The following HHIP variants were observed in gnomAD, a reference collection of about 807,000 sequenced individuals.
The protein encoded by HHIP is hedgehog interacting protein.
Under a neutral mutation model 74.0 loss-of-function variants are expected in HHIP, and 12 were observed. That is an observed-to-expected ratio of 0.16 (90% CI 0.10 to 0.26). The LOEUF is 0.26. Ranked by LOEUF, HHIP falls within the 10% of genes least tolerant of loss-of-function variation. The pLI is 1.00. For missense variants in HHIP, 788 were observed against 845.0 expected (o/e 0.93, Z 0.84); for synonymous variants, 309 against 311.6 (o/e 0.99, Z 0.09).
At chr4:144,714,808 T>A (rs1042839237) in intron 9 of HHIP, among the ~76,000 whole-genome samples, 5 of 152,128 alleles carry the variant, frequency 3.3e-5, no homozygotes, top group African/African-American at 1.2e-4. Flanking sequence ...AAAATTAAAT[T>A]TTAGTCTCAA....
intron 10 of HHIP, among the ~76,000 whole-genome samples, chr4:144,716,581 C>T (rs1730449002): frequency 6.6e-6 from 1 of 152,126 alleles, no homozygotes; most frequent in Non-Finnish European, 1.5e-5. Context: ...GGCATGGTGG[C>T]TCACGCCTGT....
intron 10 of HHIP, among the ~76,000 whole-genome samples, chr4:144,716,706 G>A (rs957724354): frequency 2.0e-4 from 31 of 151,726 alleles, no homozygotes; most frequent in African/African-American, 7.2e-4. Flanking sequence ...AAAATTAGCC[G>A]GGTATACTGG....
intron 1 of HHIP, chr4:144,648,560 G>C (rs1245687223): frequency 6.6e-6 from 1 of 152,136 alleles, no homozygotes; most frequent in Non-Finnish European, 1.5e-5. Context: ...TTTCAAAATA[G>C]CTATATTCAG....
intron 12 of HHIP, 69 bp downstream of exon 12, chr4:144,734,958 CATTG>C (rs1381812257): frequency 5.0e-6 from 7 of 1,409,338 alleles, no homozygotes; most frequent in Admixed American, 1.9e-5. Flanking sequence ...AAGAACTCAA[CATTG>C]ATTGTTTCTT....
intron 4 of HHIP, among the ~76,000 whole-genome samples, chr4:144,693,490 T>C (rs1053068971): frequency 6.6e-6 from 1 of 152,094 alleles, no homozygotes; most frequent in Non-Finnish European, 1.5e-5. Context: ...GAAACTCCCA[T>C]GGAAAACGTG....
intron 4 of HHIP, among the ~76,000 whole-genome samples, chr4:144,703,516 A>C (rs555896605): frequency 6.6e-6 from 1 of 152,312 alleles, no homozygotes; most frequent in East Asian, 1.9e-4. Flanking sequence ...AGCAGTTAGT[A>C]ACATTGGCAC....
At chr4:144,652,124 C>T (rs1390290979) in intron 1 of HHIP, among the ~76,000 whole-genome samples, 1 of 151,938 alleles carries the variant, frequency 6.6e-6, no homozygotes, top group Admixed American at 6.6e-5. Flanking sequence ...AAAAATGTAA[C>T]CCAAGTATAT....
chr4:144,680,157 A>C (rs1373935056), intron 4 of HHIP, among the ~76,000 whole-genome samples: 1 of 152,176 alleles, frequency 6.6e-6, no homozygotes, highest in African/African-American at 2.4e-5. Context: ...AGTTTTAGGT[A>C]GGAGTAGTTT....
At chr4:144,706,770 A>G in intron 5 of HHIP, 88 bp downstream of exon 5, 3 of 1,163,246 alleles carry the variant, frequency 2.6e-6, no homozygotes, top group Non-Finnish European at 2.4e-6. Context: ...GAAGTTGCAA[A>G]TAAGTAACCA....
At chr4:144,713,119 C>A (rs376064287) in intron 8 of HHIP, among the ~76,000 whole-genome samples, 3 of 152,136 alleles carry the variant, frequency 2.0e-5, no homozygotes, top group African/African-American at 7.2e-5. Context: ...GTGCTTACTA[C>A]ATGCCAGACC....
At chr4:144,675,455 GT>G (rs1729147291) in intron 4 of HHIP, among the ~76,000 whole-genome samples, 1 of 151,948 alleles carries the variant, frequency 6.6e-6, no homozygotes, top group Non-Finnish European at 1.5e-5. Context: ...TTTAGATTCA[GT>G]TTTGGATTAA....
intron 4 of HHIP, among the ~76,000 whole-genome samples, chr4:144,671,816 C>T (rs1729047773): frequency 6.6e-6 from 1 of 152,044 alleles, no homozygotes; most frequent in South Asian, 2.1e-4. Context: ...AACCCTGTCT[C>T]TACTAAAAAT....
Position 144,729,371 on chromosome 4 carries a change from C to A in HHIP, c.1761-5370C>A, listed in dbSNP as rs372960341. On this transcript the variant is annotated intron_variant, in intron 11 of 12. Coordinates refer to ENST00000296575, the MANE Select transcript of HHIP (RefSeq NM_022475.3). ...TGCCTCCTTGTTCAGGGCAAGGACT[C>A]CACCCAGTTGGAAGATTTCAGAGCA... Among the ~76,000 whole-genome samples, 18 of 152,218 alleles carry A rather than the reference C, an allele frequency of 1.2e-4. No homozygotes were observed. In the South Asian group the frequency reaches 3.7e-3, roughly 32 times the overall value.
intron 7 of HHIP, among the ~76,000 whole-genome samples, chr4:144,711,705 A>C (rs1578716722): frequency 6.6e-6 from 1 of 152,264 alleles, no homozygotes; most frequent in Non-Finnish European, 1.5e-5. Context: ...GACAGTGTGC[A>C]TATTTATAAC....
At chr4:144,661,613 C>T (rs999172996) in intron 4 of HHIP, among the ~76,000 whole-genome samples, 1 of 152,114 alleles carries the variant, frequency 6.6e-6, no homozygotes, top group African/African-American at 2.4e-5. Flanking sequence ...GTCTGTGGAA[C>T]TTCCCGATTG....
intron 1 of HHIP, among the ~76,000 whole-genome samples, chr4:144,648,956 C>T (rs954071948): frequency 1.3e-5 from 2 of 152,162 alleles, no homozygotes; most frequent in Non-Finnish European, 2.9e-5. Context: ...AAGTTTGGTA[C>T]ACTAGACTTT....
intron 11 of HHIP, 96 bp from the exon 12 acceptor site, chr4:144,734,645 T>A: frequency 1.0e-6 from 1 of 990,684 alleles, no homozygotes; most frequent in Non-Finnish European, 1.4e-6. Flanking sequence ...CTCTAGAAAG[T>A]AAGAGGCATG....
At chr4:144,650,561 T>C (rs1018482332) in intron 1 of HHIP, 6 of 152,032 alleles carry the variant, frequency 3.9e-5, no homozygotes, top group African/African-American at 1.4e-4. Flanking sequence ...TCTAAAACAC[T>C]GTTGCAGCTT....
intron 4 of HHIP, among the ~76,000 whole-genome samples, chr4:144,691,121 T>C (rs971097528): frequency 6.6e-5 from 10 of 152,168 alleles, no homozygotes; most frequent in African/African-American, 2.4e-4. Context: ...TACATGCATC[T>C]CTGATATCTA....
Sources: allele counts gnomAD v4.1 joint callset (sites outside exome capture counted in the v4.1 genomes callset), GRCh38; gene constraint gnomAD v4.1.1; transcripts MANE v1.5; gene names NCBI Gene and HGNC (gene_info 2026-07-23, HGNC 2026-07-21).